ARSB: variants seen among roughly 807,000 people sequenced by gnomAD.
The protein encoded by ARSB is arylsulfatase B.
In ARSB, 41 loss-of-function variants were observed where a neutral mutation model predicts 50.9. The ratio of observed to expected loss-of-function variants is 0.81; its 90% CI spans 0.63 to 1.04. The LOEUF (loss-of-function observed/expected upper bound fraction) is 1.04, where lower values mean the gene tolerates loss of function less well. Among genes scored for constraint, ARSB ranks in the 50% least tolerant of loss-of-function variants. The pLI is 0.00. For missense variants in ARSB, 672 were observed against 693.3 expected (o/e 0.97, Z 0.35); for synonymous variants, 269 against 284.8 (o/e 0.94, Z 0.56).
At chr5:78,903,070 T>G (rs1748877291) in intron 4 of ARSB, among the ~76,000 whole-genome samples, 1 of 152,224 alleles carries the variant, frequency 6.6e-6, no homozygotes, top group African/African-American at 2.4e-5. Flanking sequence ...CCAACAGTTT[T>G]GTTTAATATA....
chr5:78,833,238 T>A (rs1248921065), intron 6 of ARSB, among the ~76,000 whole-genome samples: 1 of 152,128 alleles, frequency 6.6e-6, no homozygotes, highest in Non-Finnish European at 1.5e-5. Context: ...CCCACCACTT[T>A]AGAGGTTTCC....
intron 4 of ARSB, among the ~76,000 whole-genome samples, chr5:78,887,916 T>C (rs967318264): frequency 6.6e-6 from 1 of 152,184 alleles, no homozygotes; most frequent in Non-Finnish European, 1.5e-5. Context: ...CATAGGAAGT[T>C]ATTTCAAGGT....
Position 78,954,795 on chromosome 5 carries a change from G to A in ARSB, c.898+500C>T, listed in dbSNP as rs569615961. On this transcript the variant is annotated intron_variant, in intron 4 of 7. Transcript: ENST00000264914. ...GCTGGGATTACAGGCGTGAGCCACC[G>A]CGCCCGGCCCCAAAAACAATTTTAA... is the stretch of plus-strand genomic sequence containing the variant. Among the ~76,000 whole-genome samples, 932 of 152,284 alleles carry A rather than the reference G, an allele frequency of 6.1e-3. 10 individuals are homozygous for A. The highest frequency in any genetic ancestry group is 7.6e-3 in the Non-Finnish European group (518 of 68,026).
intron 6 of ARSB, among the ~76,000 whole-genome samples, chr5:78,804,064 A>T (rs889812949): frequency 2.6e-4 from 39 of 152,216 alleles, no homozygotes; most frequent in African/African-American, 9.2e-4. Context: ...TGGCTCTAAC[A>T]GTCTTCAGCC....
chr5:78,826,718 A>G (rs1033791822), intron 6 of ARSB, among the ~76,000 whole-genome samples: 5 of 152,238 alleles, frequency 3.3e-5, no homozygotes, highest in African/African-American at 1.2e-4. Context: ...CAAATAGCAC[A>G]GGTGTTACCC....
At chr5:78,848,618 A>T (rs115753437) in intron 5 of ARSB, among the ~76,000 whole-genome samples, 1 of 151,374 alleles carries the variant, frequency 6.6e-6, no homozygotes, top group African/African-American at 2.5e-5. Flanking sequence ...TTTCTAGTCT[A>T]GTTCTAGATC....
intron 6 of ARSB, among the ~76,000 whole-genome samples, chr5:78,823,493 A>G (rs1036565074): frequency 6.6e-6 from 1 of 152,196 alleles, no homozygotes; most frequent in African/African-American, 2.4e-5. Context: ...AGATCAGAGG[A>G]AGTACTTGAA....
intron 4 of ARSB, among the ~76,000 whole-genome samples, chr5:78,888,469 G>A (rs1580004419): frequency 6.6e-6 from 1 of 152,226 alleles, no homozygotes; most frequent in South Asian, 2.1e-4. Flanking sequence ...GAGACAGAAC[G>A]ATTATTTCAC....
intron 5 of ARSB, among the ~76,000 whole-genome samples, chr5:78,857,234 C>A (rs1339687948): frequency 6.6e-6 from 1 of 152,116 alleles, no homozygotes. Flanking sequence ...ATTTTAATTT[C>A]TAAGACATTT....
rs1424545500 is a variant in ARSB at position 78,867,993 on chromosome 5, G to A, written c.1142+17591C>T. Among the ~76,000 whole-genome samples, 3 of 125,794 alleles carry A rather than the reference G, an allele frequency of 2.4e-5. No individual in the cohort carries two copies. In the Admixed American group the frequency reaches 2.6e-4, roughly 11 times the overall value. 82.5% of individuals were successfully genotyped at this position (125,794 alleles called of 152,430 possible). ...GGAGCTGATGGAGCTGAAAACCAAGGCTCGAGAACTACGTGAAGAATGCAG... is the reference window on the plus strand; with the variant it reads ...GGAGCTGATGGAGCTGAAAACCAAGACTCGAGAACTACGTGAAGAATGCAG... On this transcript the variant is annotated intron_variant, in intron 5 of 7. Transcript: ENST00000264914.
At chr5:78,951,056 C>G (rs1485250540) in intron 4 of ARSB, among the ~76,000 whole-genome samples, 3 of 151,994 alleles carry the variant, frequency 2.0e-5, no homozygotes, top group African/African-American at 7.3e-5. Context: ...TGAATTCTGG[C>G]TTTTTCAGTT....
chr5:78,912,015 T>C (rs1174507112), intron 4 of ARSB, among the ~76,000 whole-genome samples: 1 of 152,120 alleles, frequency 6.6e-6, no homozygotes, highest in East Asian at 1.9e-4. Flanking sequence ...TACACAACAG[T>C]AAGGTCAATT....
intron 4 of ARSB, among the ~76,000 whole-genome samples, chr5:78,892,249 T>C (rs1178891022): frequency 1.2e-5 from 1 of 82,898 alleles, no homozygotes; most frequent in East Asian, 4.0e-4. Context: ...TTCTCTATTC[T>C]TTTTTTTTTT....
chr5:78,795,805 T>G (rs1743158768), intron 6 of ARSB, among the ~76,000 whole-genome samples: 1 of 152,252 alleles, frequency 6.6e-6, no homozygotes, highest in African/African-American at 2.4e-5. Context: ...GTATTTCAAA[T>G]GAATCTTAAG....
chr5:78,925,172 C>T (rs1375227647), intron 4 of ARSB, among the ~76,000 whole-genome samples: 6 of 152,108 alleles, frequency 3.9e-5, no homozygotes, highest in South Asian at 2.1e-4. Context: ...CTACACAGAC[C>T]GTGCCCTAAT....
chr5:78,951,364 T>TA (rs2112471483), intron 4 of ARSB, among the ~76,000 whole-genome samples: 1 of 152,006 alleles, frequency 6.6e-6, no homozygotes, highest in East Asian at 1.9e-4. Flanking sequence ...AAGAAAAGGG[T>TA]ACTGATTGAA....
chr5:78,879,707 A>G (rs1747652826), intron 5 of ARSB, among the ~76,000 whole-genome samples: 1 of 152,226 alleles, frequency 6.6e-6, no homozygotes, highest in Non-Finnish European at 1.5e-5. Context: ...TGCTTTGGAA[A>G]AGACACAACA....
chr5:78,861,009 T>C (rs1392541840), intron 5 of ARSB, among the ~76,000 whole-genome samples: 1 of 152,178 alleles, frequency 6.6e-6, no homozygotes, highest in Non-Finnish European at 1.5e-5. Flanking sequence ...CTAGAAAATC[T>C]AGAAGAAATG....
At chr5:78,924,000 A>G (rs1749939836) in intron 4 of ARSB, among the ~76,000 whole-genome samples, 1 of 152,186 alleles carries the variant, frequency 6.6e-6, no homozygotes, top group Non-Finnish European at 1.5e-5. Context: ...GCATGGCTGA[A>G]TATGATCCTG....
Sources: allele counts gnomAD v4.1 joint callset (sites outside exome capture counted in the v4.1 genomes callset), GRCh38; gene constraint gnomAD v4.1.1; transcripts MANE v1.5; gene names NCBI Gene and HGNC (gene_info 2026-07-23, HGNC 2026-07-21).